The following PCDH9 variants were observed in gnomAD, a reference collection of about 807,000 sequenced individuals.
PCDH9 encodes protocadherin-9.
A neutral mutation model predicts 70.6 loss-of-function variants in PCDH9; 24 were observed. That is an observed-to-expected ratio of 0.34 (90% CI 0.25 to 0.48). The LOEUF (loss-of-function observed/expected upper bound fraction) is 0.48, where lower values mean the gene tolerates loss of function less well. PCDH9 is among the 20% of genes least tolerant of loss of function. The probability of loss-of-function intolerance (pLI) is 0.99; values close to 1 mark genes in which losing one functional copy is unlikely to be tolerated. For missense variants in PCDH9, 1,281 were observed against 1,503.6 expected, an observed-to-expected ratio of 0.85 and a Z score of 2.45; for synonymous variants, 562 against 558.5, an observed-to-expected ratio of 1.01 and a Z score of -0.09.
At chr13:66,737,308 G>C (rs2079166520) in intron 3 of PCDH9, among the ~76,000 whole-genome samples, 1 of 152,142 alleles carries the variant, frequency 6.6e-6, no homozygotes, top group Admixed American at 6.5e-5. Flanking sequence ...TTTAGCCCTT[G>C]TGCAGTTTTT....
At chr13:67,137,227 T>A (rs780337331) in intron 2 of PCDH9, among the ~76,000 whole-genome samples, 32 of 152,110 alleles carry the variant, frequency 2.1e-4, no homozygotes, top group Non-Finnish European at 3.4e-4. Flanking sequence ...TCGGTAAATA[T>A]TTTGTCATTC....
At chr13:66,513,934 G>C (rs750219255) in intron 4 of PCDH9, among the ~76,000 whole-genome samples, 1 of 151,988 alleles carries the variant, frequency 6.6e-6, no homozygotes, top group Non-Finnish European at 1.5e-5. Flanking sequence ...CTATTTCCTG[G>C]CAGTGACTAA....
At chr13:66,397,878 C>T (rs1465810946) in intron 4 of PCDH9, among the ~76,000 whole-genome samples, 2 of 151,548 alleles carry the variant, frequency 1.3e-5, no homozygotes, top group African/African-American at 4.8e-5. Context: ...TGTTATTGCC[C>T]ATAACAACCT....
At chr13:66,651,383 C>T (rs967909038) in intron 3 of PCDH9, among the ~76,000 whole-genome samples, 1 of 151,698 alleles carries the variant, frequency 6.6e-6, no homozygotes, top group Non-Finnish European at 1.5e-5. Flanking sequence ...AACTATGTGC[C>T]AATAAATTGG....
At chr13:66,820,606 C>A (rs1286834724) in intron 3 of PCDH9, among the ~76,000 whole-genome samples, 1 of 152,006 alleles carries the variant, frequency 6.6e-6, no homozygotes, top group African/African-American at 2.4e-5. Context: ...CCTAAATGCC[C>A]ATCAATGATA....
At chr13:66,820,343 C>A (rs2139379391) in intron 3 of PCDH9, among the ~76,000 whole-genome samples, 1 of 152,228 alleles carries the variant, frequency 6.6e-6, no homozygotes, top group Non-Finnish European at 1.5e-5. Context: ...AGATTTCTAT[C>A]TTCTGTTTAA....
At chr13:66,791,346 C>A (rs1206632344) in intron 3 of PCDH9, among the ~76,000 whole-genome samples, 1 of 151,798 alleles carries the variant, frequency 6.6e-6, no homozygotes, top group African/African-American at 2.4e-5. Context: ...AAATTGAGTA[C>A]ATGTTAAAAA....
rs748384765 is a variant in PCDH9 at position 66,311,364 on chromosome 13, CTCTGTG to C, written c.3341-6342_3341-6337del. Reference sequence around the variant, plus strand: ...TCTCTCTCTCTCTCTTTCTCTCTCTCTCTGTGTGTGTGTGTGTGTGTGTGTTATTTA... The same window carrying C: ...TCTCTCTCTCTCTCTTTCTCTCTCTCTGTGTGTGTGTGTGTGTGTTATTTA... On this transcript the variant is annotated intron_variant, in intron 4 of 4. Coordinates refer to ENST00000377865, the MANE Select transcript of PCDH9 (RefSeq NM_203487.3). Among the ~76,000 whole-genome samples the C allele has an allele frequency of 5.3e-4, 56 of 106,302 alleles. No homozygotes were observed. The South Asian group carries it at 0.014, about 27-fold the overall frequency. The allele number at this position is 106,302 out of a possible 152,430, so 69.7% of individuals were successfully genotyped here.
chr13:66,586,425 A>G (rs1237060742), intron 4 of PCDH9, among the ~76,000 whole-genome samples: 2 of 152,160 alleles, frequency 1.3e-5, no homozygotes, highest in Non-Finnish European at 2.9e-5. Context: ...TTCCTGAGAA[A>G]AGATCTAAGT....
In PCDH9 at chr13:67,226,752, C is replaced by T. The variant is rs768116387; in HGVS notation, c.1689G>A (p.Leu563=). 2 of 1,614,112 alleles carry T rather than the reference C, an allele frequency of 1.2e-6. No homozygotes were observed. The highest frequency in any genetic ancestry group is 2.2e-5 in the South Asian group (2 of 91,078). Residue 563 remains leucine, a synonymous_variant, in exon 2 of 5, where the codon CTG becomes CTA. Transcript: ENST00000377865. The surrounding 1 kb of genome is among the most constrained non-coding windows in gnomAD (Gnocchi z 5.0). The part of the protein sequence containing the change: ...QSQAAVIVTV[L]DENDNSPKFT... ...ACTTGGGGCTATTGTCATTCTCATC[C>T]AGAACAGTAACAATCACAGCCGCTT...
intron 3 of PCDH9, among the ~76,000 whole-genome samples, chr13:66,853,378 A>C (rs111881462): frequency 4.0e-5 from 6 of 151,748 alleles, no homozygotes; most frequent in African/African-American, 1.4e-4. Context: ...TTCTTTTCAC[A>C]CTCTCCTGCC....
intron 2 of PCDH9, among the ~76,000 whole-genome samples, chr13:67,146,753 T>C (rs2087532182): frequency 6.6e-6 from 1 of 152,210 alleles, no homozygotes; most frequent in East Asian, 1.9e-4. Context: ...TGTGGATAAC[T>C]GGCAACTTCT....
chr13:66,950,668 C>G (rs1284445020), intron 2 of PCDH9, among the ~76,000 whole-genome samples: 1 of 151,920 alleles, frequency 6.6e-6, no homozygotes, highest in Non-Finnish European at 1.5e-5. Context: ...AACAGGTGAC[C>G]ATAGGTATCT....
At chr13:66,369,097 T>C (rs914399517) in intron 4 of PCDH9, among the ~76,000 whole-genome samples, 25 of 152,134 alleles carry the variant, frequency 1.6e-4, no homozygotes, top group Admixed American at 5.9e-4. Context: ...CTTTGGTTTG[T>C]TGGATTTACA....
At chr13:66,816,139 G>C (rs9529144) in intron 3 of PCDH9, among the ~76,000 whole-genome samples, 1 of 152,236 alleles carries the variant, frequency 6.6e-6, no homozygotes, top group Non-Finnish European at 1.5e-5. Flanking sequence ...ATCATTCATG[G>C]AAACAAAGCA....
chr13:66,580,536 G>A (rs1436772382), intron 4 of PCDH9, among the ~76,000 whole-genome samples: 2 of 151,340 alleles, frequency 1.3e-5, no homozygotes, highest in Non-Finnish European at 2.9e-5. Context: ...GGGAGTATTT[G>A]TCAATGGTAT....
At chr13:67,192,642 T>C (rs929412722) in intron 2 of PCDH9, among the ~76,000 whole-genome samples, 5 of 152,110 alleles carry the variant, frequency 3.3e-5, no homozygotes, top group African/African-American at 1.2e-4. Flanking sequence ...TCTCATAAAA[T>C]AGAAGGAAGG....
chr13:66,445,042 CTA>C (rs1011963582), intron 4 of PCDH9, among the ~76,000 whole-genome samples: 29 of 145,896 alleles, frequency 2.0e-4, no homozygotes, highest in African/African-American at 7.0e-4. Context: ...GATCTTTTCA[CTA>C]TATATATAAT....
intron 4 of PCDH9, among the ~76,000 whole-genome samples, chr13:66,462,770 G>T (rs1415624750): frequency 2.6e-5 from 4 of 151,162 alleles, no homozygotes; most frequent in Admixed American, 2.0e-4. Context: ...CAAGCTTTAG[G>T]GCCTGCAGGT....
Sources: allele counts gnomAD v4.1 joint callset (sites outside exome capture counted in the v4.1 genomes callset), GRCh38; gene constraint gnomAD v4.1.1; non-coding constraint Gnocchi (gnomAD v3.1); transcripts MANE v1.5; gene names NCBI Gene and HGNC (gene_info 2026-07-23, HGNC 2026-07-21).